INPP5D: variants seen among roughly 807,000 people sequenced by gnomAD.
INPP5D encodes the protein phosphatidylinositol 3,4,5-trisphosphate 5-phosphatase 1.
In INPP5D, 33 loss-of-function variants were observed where a neutral mutation model predicts 122.9. That is an observed-to-expected ratio of 0.27 (90% confidence interval 0.20 to 0.36). The LOEUF is 0.36. INPP5D is among the 10% of genes least tolerant of loss of function. INPP5D has a pLI of 1.00. For synonymous variants in INPP5D, 584 were observed against 576.2 expected (o/e 1.01, Z -0.19); for missense variants, 1,053 against 1,412.7 (o/e 0.75, Z 4.08).
chr2:233,121,121 C>CTTTTTTTTTTTTT (rs369587747), intron 2 of INPP5D, among the ~76,000 whole-genome samples: 2 of 117,652 alleles, frequency 1.7e-5, no homozygotes, highest in Admixed American at 8.9e-5. Context: ...TTCTTTCTTT[C>CTTTTTTTTTTTTT]TTTTTTTTTT....
rs10682867 is a variant in INPP5D, at chr2:233,116,254, T to TAGATAGATAG, written c.199-5852_199-5851insGATAGATAGA. ...ATAGATAGATAGATAGATAGATAGA[T>TAGATAGATAG]ATAGATATAGATATAGATATAGATA... On this transcript the variant is annotated intron_variant, in intron 2 of 26. Coordinates refer to ENST00000445964, the MANE Select transcript of INPP5D (RefSeq NM_001017915.3). Among the ~76,000 whole-genome samples, 254 of 96,028 alleles carry TAGATAGATAG rather than the reference T, an allele frequency of 2.6e-3. 1 individual carries two copies. Among genetic ancestry groups the TAGATAGATAG allele is most frequent in the South Asian group, 0.012 (40 of 3,432 alleles). The allele number at this position is 96,028 out of a possible 152,430, so 63.0% of individuals were successfully genotyped here. A position where few individuals can be genotyped will look rare whatever the true frequency, so the allele number is the denominator to read the frequency against.
At chr2:233,179,478 C>G (rs117199766) in intron 18 of INPP5D, among the ~76,000 whole-genome samples, 5 of 152,306 alleles carry the variant, frequency 3.3e-5, no homozygotes, top group Admixed American at 2.6e-4. Flanking sequence ...CAAAACTGCT[C>G]GACAGTGGAG....
intron 2 of INPP5D, among the ~76,000 whole-genome samples, chr2:233,116,932 A>G (rs1574739843): frequency 6.6e-6 from 1 of 152,214 alleles, no homozygotes; most frequent in East Asian, 1.9e-4. Flanking sequence ...TAAATAAGGC[A>G]ATGCTGCTCT....
At chr2:233,181,389 G>A (rs1036990382) in intron 18 of INPP5D, among the ~76,000 whole-genome samples, 4 of 151,964 alleles carry the variant, frequency 2.6e-5, no homozygotes, top group Non-Finnish European at 4.4e-5. Flanking sequence ...TCCTTTGCCC[G>A]CCCATTCATG....
At chr2:233,096,868 C>T (rs1008908025) in intron 2 of INPP5D, among the ~76,000 whole-genome samples, 1 of 151,954 alleles carries the variant, frequency 6.6e-6, no homozygotes, top group Admixed American at 6.5e-5. Flanking sequence ...GTTTATGGTG[C>T]GTTTTGTCAT....
At chr2:233,097,921 C>G (rs1692192509) in intron 2 of INPP5D, among the ~76,000 whole-genome samples, 1 of 151,338 alleles carries the variant, frequency 6.6e-6, no homozygotes, top group Non-Finnish European at 1.5e-5. Context: ...GAGTCTCACT[C>G]TGTCGCCTAG....
chr2:233,175,444 A>G (rs761698866), intron 17 of INPP5D, among the ~76,000 whole-genome samples: 17 of 152,136 alleles, frequency 1.1e-4, no homozygotes, highest in Non-Finnish European at 1.8e-4. Context: ...TGGAGATGTT[A>G]GTCACACTAA....
intron 2 of INPP5D, among the ~76,000 whole-genome samples, chr2:233,114,147 A>G (rs989021671): frequency 2.6e-5 from 4 of 152,140 alleles, no homozygotes; most frequent in Admixed American, 6.5e-5. Flanking sequence ...TGACCTTGTG[A>G]TCTGCCCGCC....
At chr2:233,141,558 C>T (rs1199318307) in intron 6 of INPP5D, 1 of 146,874 alleles carries the variant, frequency 6.8e-6, no homozygotes, top group Non-Finnish European at 1.5e-5. Flanking sequence ...CAGAGTGAGA[C>T]TCCATCTCCA....
chr2:233,130,502 C>A lies in INPP5D; in HGVS notation c.525-6C>A. 1 of 1,609,472 alleles carries A rather than the reference C, an allele frequency of 6.2e-7. No individual in the cohort carries two copies. The highest frequency in any genetic ancestry group is 8.5e-7 in the Non-Finnish European group (1 of 1,178,726). ...GCATAGTTTGTTTCTTTTTTCTTTT[C>A]TTTAGGCTTCCAGAAGAGCATCTTA... On this transcript the variant is annotated splice_polypyrimidine_tract_variant and splice_region_variant and intron_variant, in intron 4 of 26. Coordinates refer to ENST00000445964, the MANE Select transcript of INPP5D (RefSeq NM_001017915.3).
At chr2:233,065,185 G>A (rs549629580) in intron 1 of INPP5D, among the ~76,000 whole-genome samples, 18 of 152,262 alleles carry the variant, frequency 1.2e-4, no homozygotes, top group African/African-American at 4.1e-4. Context: ...CTGTGCCTAC[G>A]CTCAGCCCCC....
rs1694858396 is a variant in INPP5D at position 233,184,463 on chromosome 2, A to G, written c.2217A>G (p.Thr739=). Residue 739 remains threonine (T), a synonymous_variant, in exon 20 of 27, where the codon ACA becomes ACG. Transcript: ENST00000445964. Reference sequence around the variant, plus strand: ...TTGAGTTTCTCAGGTGCTATGCCACATTGAAGACCAAGTCCCAGACCAAAT... The same window carrying G: ...TTGAGTTTCTCAGGTGCTATGCCACGTTGAAGACCAAGTCCCAGACCAAAT... ...GQIEFLRCYA[T]LKTKSQTKFY... The G allele has an allele frequency of 1.2e-6, 2 of 1,613,930 alleles. No homozygotes were observed. Among genetic ancestry groups the G allele is most frequent in the East Asian group, 2.2e-5 (1 of 44,896 alleles).
chr2:233,148,625 G>C (rs1286362031), intron 9 of INPP5D, among the ~76,000 whole-genome samples: 5 of 152,162 alleles, frequency 3.3e-5, no homozygotes, highest in Non-Finnish European at 4.4e-5. Flanking sequence ...CAGCAGACAG[G>C]ACCAGAGGGC....
intron 5 of INPP5D, among the ~76,000 whole-genome samples, chr2:233,138,303 T>TAAAAAAAAAAAA (rs749510803): frequency 9.6e-6 from 1 of 103,668 alleles, no homozygotes; most frequent in Non-Finnish European, 1.9e-5. Context: ...TAAGATTGTC[T>TAAAAAAAAAAAA]AAAAAAAAAA....
rs1281110028 is a variant in INPP5D at position 233,164,578 on chromosome 2, G to T, written c.1555+154G>T. ...CAGTCCTCAGCAAATAGGGGTGATTGGTCTCCCTGGCTGAAACTCACTCAG... is the reference window on the plus strand; with the variant it reads ...CAGTCCTCAGCAAATAGGGGTGATTTGTCTCCCTGGCTGAAACTCACTCAG... On this transcript the variant is annotated intron_variant, in intron 13 of 26. Transcript: ENST00000445964. The surrounding 1 kb of genome is among the most constrained non-coding windows in gnomAD (Gnocchi z 4.3). Among the ~76,000 whole-genome samples the T allele has an allele frequency of 1.3e-5, 2 of 152,100 alleles. No individual in the cohort carries two copies. The highest frequency in any genetic ancestry group is 2.9e-5 in the Non-Finnish European group (2 of 68,022).
At chr2:233,193,078 G>C (rs1355759929) in intron 22 of INPP5D, among the ~76,000 whole-genome samples, 1 of 152,192 alleles carries the variant, frequency 6.6e-6, no homozygotes, top group Non-Finnish European at 1.5e-5. Context: ...TCGTAGAGAG[G>C]GGGTTTCAAC....
At chr2:233,195,587 C>T (rs1343820730) in intron 24 of INPP5D, 92 bp downstream of exon 24, 1 of 1,571,874 alleles carries the variant, frequency 6.4e-7, no homozygotes, top group African/African-American at 1.3e-5. Flanking sequence ...TGGTTCACGC[C>T]CATAATCCCG....
chr2:233,159,550 T>C (rs1282784593), intron 10 of INPP5D, among the ~76,000 whole-genome samples: 4 of 108,540 alleles, frequency 3.7e-5, no homozygotes, highest in South Asian at 2.6e-4. Flanking sequence ...AAAAAATAGC[T>C]GGGTGTGGTG....
chr2:233,165,900 A>T (rs1461579992), intron 13 of INPP5D, among the ~76,000 whole-genome samples: 2 of 152,038 alleles, frequency 1.3e-5, no homozygotes, highest in Non-Finnish European at 2.9e-5. Context: ...TGGTATACAC[A>T]CAGGGCTCCA....
Sources: gnomAD v4.1 joint callset for allele counts (sites outside exome capture counted in the v4.1 genomes callset) on GRCh38, gnomAD v4.1.1 for gene constraint, Gnocchi (gnomAD v3.1) non-coding constraint, MANE v1.5 for transcripts, NCBI Gene and HGNC (gene_info 2026-07-23, HGNC 2026-07-21) for gene names.